Variants in CA10 observed in about 807,000 individuals in gnomAD.
CA10 encodes the protein carbonic anhydrase 10 (inactive), also known as carbonic anhydrase-related protein 10.
A neutral mutation model predicts 44.2 loss-of-function variants in CA10; 14 were observed. The observed-to-expected ratio is 0.32, with a 90% confidence interval of 0.21 to 0.50. CA10 has a LOEUF of 0.50. Among genes scored for constraint, CA10 ranks in the 20% least tolerant of loss-of-function variants. The pLI is 0.99. For synonymous variants in CA10, 159 were observed against 141.6 expected (o/e 1.12, Z -0.87); for missense variants, 350 against 409.7 (o/e 0.85, Z 1.26).
chr17:51,923,668 T>A (rs1000167351), intron 3 of CA10, among the ~76,000 whole-genome samples: 6 of 152,206 alleles, frequency 3.9e-5, no homozygotes, highest in Non-Finnish European at 7.3e-5. Flanking sequence ...AATTTTAAAA[T>A]AGAGAAGTGA....
intron 3 of CA10, among the ~76,000 whole-genome samples, chr17:51,855,107 A>G (rs1448302891): frequency 1.3e-5 from 2 of 152,138 alleles, no homozygotes; most frequent in Admixed American, 1.3e-4. Flanking sequence ...GGGTGTGCCT[A>G]TGGCTCTGTG....
chr17:51,757,354 A>G (rs1476364174), intron 3 of CA10, among the ~76,000 whole-genome samples: 1 of 152,202 alleles, frequency 6.6e-6, no homozygotes, highest in Non-Finnish European at 1.5e-5. Flanking sequence ...CAGATTAGCA[A>G]ACTTAGGGGC....
At chr17:51,708,337 T>C (rs917737201) in intron 4 of CA10, among the ~76,000 whole-genome samples, 9 of 152,214 alleles carry the variant, frequency 5.9e-5, no homozygotes, top group Non-Finnish European at 1.0e-4. Context: ...ACTGAACACT[T>C]AGACTTTCAC....
At chr17:51,731,587 G>A (rs767954818) in intron 4 of CA10, among the ~76,000 whole-genome samples, 4 of 139,058 alleles carry the variant, frequency 2.9e-5, no homozygotes, top group African/African-American at 5.3e-5. Flanking sequence ...CCTAAAGTCC[G>A]CATTTTTAAA....
rs375444434 is a variant in CA10 at position 51,878,893 on chromosome 17, GGTGTGTGT to G, written c.279+52089_279+52096del. 1.2e-3 allele frequency among the ~76,000 whole-genome samples: 63 copies of G among 52,352 alleles called. 9 individuals carry two copies. The highest frequency in any genetic ancestry group is 4.1e-3 in the African/African-American group (62 of 15,016). 34.3% of individuals were successfully genotyped at this position (52,352 alleles called of 152,430 possible). On this transcript the variant is annotated intron_variant, in intron 3 of 8. Coordinates refer to ENST00000451037, the MANE Select transcript of CA10 (RefSeq NM_020178.5). The stretch of plus-strand genomic sequence containing the variant: ...ATATATATATATATATATATATATG[GGTGTGTGT>G]GTGTGTGTGTGTATGTGTGTATGTG...
At position 51,804,143 on chromosome 17, in the gene CA10, T is replaced by C. The variant is rs1478661015; in HGVS notation, c.280-56325A>G. On this transcript the variant is annotated intron_variant, in intron 3 of 8. Coordinates refer to ENST00000451037, the MANE Select transcript of CA10 (RefSeq NM_020178.5). ...ATTTAAATGGTAAATTAGTCCTATC[T>C]ATGATGATTTTTAACAATCTTTGTG... Among the ~76,000 whole-genome samples, 4 of 152,246 alleles carry C rather than the reference T, an allele frequency of 2.6e-5. No individual in the cohort carries two copies. In the East Asian group the frequency reaches 7.7e-4, roughly 29 times the overall value.
chr17:52,059,749 T>G (rs778142333), intron 2 of CA10, among the ~76,000 whole-genome samples: 4 of 152,146 alleles, frequency 2.6e-5, no homozygotes, highest in Non-Finnish European at 5.9e-5. Flanking sequence ...AATGACTGAC[T>G]ACCTCCAATG....
At chr17:52,026,737 A>G (rs1986313457) in intron 2 of CA10, among the ~76,000 whole-genome samples, 1 of 152,110 alleles carries the variant, frequency 6.6e-6, no homozygotes, top group South Asian at 2.1e-4. Flanking sequence ...TATTATGAGA[A>G]CAGCAGCATG....
chr17:51,852,116 C>T (rs1189007484), intron 3 of CA10, among the ~76,000 whole-genome samples: 1 of 152,216 alleles, frequency 6.6e-6, no homozygotes, highest in African/African-American at 2.4e-5. Context: ...CAGCCAGCAT[C>T]ATGCAGCCTT....
chr17:51,649,361 G>A, intron 5 of CA10, 107 bp from the exon 6 acceptor site: 1 of 837,974 alleles, frequency 1.2e-6, no homozygotes, highest in Non-Finnish European at 2.0e-6. Flanking sequence ...TCTACCATGA[G>A]CCAAACACAA....
At chr17:51,906,030 A>G (rs1371655435) in intron 3 of CA10, among the ~76,000 whole-genome samples, 1 of 152,046 alleles carries the variant, frequency 6.6e-6, no homozygotes, top group Non-Finnish European at 1.5e-5. Context: ...TCTTGCGTGG[A>G]GGAGGACTTG....
intron 1 of CA10, among the ~76,000 whole-genome samples, chr17:52,119,977 A>G (rs1446193652): frequency 6.6e-6 from 1 of 152,226 alleles, no homozygotes; most frequent in African/African-American, 2.4e-5. Context: ...CAAATAGTCT[A>G]GTTCTGGGCA....
In CA10 at chr17:52,074,745, T is replaced by C. The variant is rs182915220; in HGVS notation, c.62-2352A>G. 9.1e-4 allele frequency among the ~76,000 whole-genome samples: 139 copies of C among 152,224 alleles called. 1 individual carries two copies. Among genetic ancestry groups the C allele is most frequent in the Non-Finnish European group, 1.4e-3 (96 of 68,000 alleles). ...AATGTAATTTATAATAATATATATT[T>C]CAATGTGAAAATGCTTGAGTATGAT... On this transcript the variant is annotated intron_variant, in intron 1 of 8. Transcript: ENST00000451037.
intron 2 of CA10, among the ~76,000 whole-genome samples, chr17:51,951,887 A>G (rs913350816): frequency 5.3e-5 from 8 of 152,286 alleles, no homozygotes; most frequent in Middle Eastern, 3.4e-3. Flanking sequence ...AACATTCTGT[A>G]CACACAATAA....
At chr17:51,931,707 T>C (rs758083754) in intron 2 of CA10, among the ~76,000 whole-genome samples, 15 of 152,248 alleles carry the variant, frequency 9.9e-5, no homozygotes, top group Middle Eastern at 3.4e-3. Context: ...CACTGTGTCA[T>C]TAACCTAATG....
At chr17:51,870,143 G>T (rs1423075652) in intron 3 of CA10, among the ~76,000 whole-genome samples, 1 of 152,210 alleles carries the variant, frequency 6.6e-6, no homozygotes, top group African/African-American at 2.4e-5. Flanking sequence ...TAAGGATGTT[G>T]ACAGCCAGAA....
intron 1 of CA10, among the ~76,000 whole-genome samples, chr17:52,132,758 T>C (rs1356923463): frequency 6.6e-6 from 1 of 152,114 alleles, no homozygotes; most frequent in Non-Finnish European, 1.5e-5. Flanking sequence ...AAGGTCCTTG[T>C]ATAGGTTAAC....
intron 6 of CA10, 94 bp downstream of exon 6, chr17:51,649,088 G>A (rs1214409598): frequency 1.2e-6 from 1 of 811,798 alleles, no homozygotes; most frequent in African/African-American, 1.7e-5. Flanking sequence ...AAACTGAAAA[G>A]GGCCCATGGA....
Position 51,990,505 on chromosome 17 carries a change from G to T in CA10, c.137-59373C>A, listed in dbSNP as rs570022433. ...TAGAAGTTTTGCTAATCAGTGAAAT[G>T]CCCATAAAGGAAGTAGGAGAGGAGA... On this transcript the variant is annotated intron_variant, in intron 2 of 8. Coordinates refer to ENST00000451037, the MANE Select transcript of CA10 (RefSeq NM_020178.5). 3.4e-4 allele frequency among the ~76,000 whole-genome samples: 52 copies of T among 152,192 alleles called. No individual in the cohort carries two copies. The South Asian group carries it at 5.8e-3, about 17-fold the overall frequency.
Sources: gnomAD v4.1 joint callset for allele counts (sites outside exome capture counted in the v4.1 genomes callset) on GRCh38, gnomAD v4.1.1 for gene constraint, MANE v1.5 for transcripts, NCBI Gene and HGNC (gene_info 2026-07-23, HGNC 2026-07-21) for gene names.